The following AGMO variants were observed in gnomAD, a reference collection of about 807,000 sequenced individuals.
The protein encoded by AGMO is alkylglycerol monooxygenase.
AGMO carries 75 observed loss-of-function variants against 60.2 expected under a neutral mutation model. The observed-to-expected ratio is 1.25, with a 90% CI of 1.03 to 1.51. The LOEUF (loss-of-function observed/expected upper bound fraction) is 1.51. Ranked by LOEUF, AGMO falls within the 40% of genes most tolerant of loss-of-function variation. The pLI is 0.00. For synonymous variants in AGMO, 261 were observed against 177.1 expected, an observed-to-expected ratio of 1.47 and a Z score of -3.76; for missense variants, 763 against 525.5, an observed-to-expected ratio of 1.45 and a Z score of -4.42.
At chr7:15,276,140 T>A (rs967784617) in intron 12 of AGMO, among the ~76,000 whole-genome samples, 1 of 152,216 alleles carries the variant, frequency 6.6e-6, no homozygotes, top group Non-Finnish European at 1.5e-5. Flanking sequence ...TTTGAACTTA[T>A]GTAATGTCTT....
the AGMO span, among the ~76,000 whole-genome samples, chr7:15,190,431 A>C: frequency 2.0e-5 from 3 of 151,932 alleles, no homozygotes; most frequent in Admixed American, 2.0e-4. Flanking sequence ...ACTTCATATA[A>C]AACTTTGATT....
At chr7:15,390,612 T>G (rs1784098240) in intron 8 of AGMO, 59 bp downstream of exon 8, 2 of 1,334,728 alleles carry the variant, frequency 1.5e-6, no homozygotes, top group East Asian at 2.4e-5. Context: ...ATTTTTCTCT[T>G]AACTATAAGA....
chr7:15,354,476 A>G (rs9691251), intron 12 of AGMO, among the ~76,000 whole-genome samples: 2,641 of 22,494 alleles, frequency 0.12, 403 homozygotes, highest in East Asian at 0.42. Context: ...GTGTATACAC[A>G]CGTGTGTATA....
rs577766859 is a variant in AGMO at position 15,411,690 on chromosome 7, A to G, written c.609+6868T>C. 4.3e-3 allele frequency among the ~76,000 whole-genome samples: 647 copies of G among 152,020 alleles called. 4 individuals are homozygous for G. Among genetic ancestry groups the G allele is most frequent in the Middle Eastern group, 0.031 (9 of 288 alleles). On this transcript the variant is annotated intron_variant, in intron 5 of 12. Coordinates refer to ENST00000342526, the MANE Select transcript of AGMO (RefSeq NM_001004320.2). ...TGTGCCAAGTAGATTAATAATTCCAATACATTTCCTATCTACACAAATGGT... is the reference window on the plus strand; with the variant it reads ...TGTGCCAAGTAGATTAATAATTCCAGTACATTTCCTATCTACACAAATGGT...
chr7:15,162,148 C>T, the AGMO span, among the ~76,000 whole-genome samples: 2 of 152,036 alleles, frequency 1.3e-5, no homozygotes, highest in Non-Finnish European at 1.5e-5. Flanking sequence ...GTAAGACCTG[C>T]CTTGCTTCTC....
intron 10 of AGMO, among the ~76,000 whole-genome samples, chr7:15,384,971 C>T (rs1163680332): frequency 1.3e-5 from 2 of 151,952 alleles, no homozygotes; most frequent in African/African-American, 4.8e-5. Context: ...TAGTGCTCTT[C>T]TATTTGCACC....
At chr7:15,204,621 G>A (rs185146021) in intron 12 of AGMO, among the ~76,000 whole-genome samples, 15 of 152,200 alleles carry the variant, frequency 9.9e-5, no homozygotes, top group East Asian at 9.7e-4. Flanking sequence ...GTGTCAAGCC[G>A]TCCTTGTGCT....
chr7:15,205,697 G>A (rs1467285385), intron 12 of AGMO, among the ~76,000 whole-genome samples: 1 of 151,970 alleles, frequency 6.6e-6, no homozygotes, highest in African/African-American at 2.4e-5. Context: ...AAATTGAAGG[G>A]TTATTACTAT....
chr7:15,356,900 G>C (rs910395576), intron 12 of AGMO, among the ~76,000 whole-genome samples: 2 of 149,436 alleles, frequency 1.3e-5, no homozygotes, highest in African/African-American at 2.5e-5. Context: ...CTGAAGTCAG[G>C]TGTTCGAGAC....
the AGMO span, among the ~76,000 whole-genome samples, chr7:15,177,236 T>G: frequency 3.3e-5 from 5 of 152,042 alleles, no homozygotes; most frequent in African/African-American, 1.2e-4. Flanking sequence ...ATACCAAAAA[T>G]TTTTAAAAAT....
intron 3 of AGMO, among the ~76,000 whole-genome samples, chr7:15,437,153 A>T (rs908736244): frequency 6.6e-6 from 1 of 152,212 alleles, no homozygotes; most frequent in Non-Finnish European, 1.5e-5. Flanking sequence ...ATAATAGCCC[A>T]TGAATAACAA....
At chr7:15,244,271 T>C (rs1397259028) in intron 12 of AGMO, among the ~76,000 whole-genome samples, 1 of 152,216 alleles carries the variant, frequency 6.6e-6, no homozygotes, top group Non-Finnish European at 1.5e-5. Flanking sequence ...AACCAGGTGA[T>C]GATCTGCTCA....
At chr7:15,427,333 C>T (rs958501181) in intron 4 of AGMO, among the ~76,000 whole-genome samples, 11 of 152,116 alleles carry the variant, frequency 7.2e-5, no homozygotes, top group African/African-American at 2.7e-4. Flanking sequence ...GCAATAATAA[C>T]TCAAAGTGTC....
chr7:15,278,805 G>A (rs1356269744), intron 12 of AGMO, among the ~76,000 whole-genome samples: 1 of 152,168 alleles, frequency 6.6e-6, no homozygotes, highest in Admixed American at 6.5e-5. Context: ...ACATATTGCT[G>A]CCCTCTGGGG....
At chr7:15,437,466 T>C (rs1325770739) in intron 3 of AGMO, among the ~76,000 whole-genome samples, 1 of 152,110 alleles carries the variant, frequency 6.6e-6, no homozygotes, top group African/African-American at 2.4e-5. Flanking sequence ...TTTTGTATAT[T>C]TGTATATATC....
intron 3 of AGMO, among the ~76,000 whole-genome samples, chr7:15,484,781 T>C (rs1274281666): frequency 3.3e-5 from 5 of 152,036 alleles, no homozygotes; most frequent in Non-Finnish European, 7.4e-5. Context: ...TTTCTAAAAT[T>C]ATATGAGAAA....
chr7:15,506,461 T>A (rs1338775549), intron 3 of AGMO, among the ~76,000 whole-genome samples: 1 of 152,050 alleles, frequency 6.6e-6, no homozygotes, highest in Non-Finnish European at 1.5e-5. Flanking sequence ...TTTGTCTTTA[T>A]TCCATACATC....
intron 3 of AGMO, among the ~76,000 whole-genome samples, chr7:15,526,213 C>G (rs1455269430): frequency 6.6e-6 from 1 of 152,174 alleles, no homozygotes; most frequent in African/African-American, 2.4e-5. Context: ...CCGAAGGTCT[C>G]TAGCTGGCAA....
At chr7:15,496,535 T>C (rs1783237309) in intron 3 of AGMO, among the ~76,000 whole-genome samples, 1 of 121,412 alleles carries the variant, frequency 8.2e-6, no homozygotes, top group Admixed American at 1.0e-4. Context: ...CTTGTGAGAA[T>C]TGAGGCTGAG....
Sources: allele counts gnomAD v4.1 joint callset (sites outside exome capture counted in the v4.1 genomes callset), GRCh38; gene constraint gnomAD v4.1.1; transcripts MANE v1.5; gene names NCBI Gene and HGNC (gene_info 2026-07-23, HGNC 2026-07-21).